Variants in LIMCH1 observed in about 807,000 individuals in gnomAD.
LIMCH1 encodes LIM and calponin homology domains 1.
A neutral mutation model predicts 176.5 loss-of-function variants in LIMCH1; 113 were observed. That is an observed-to-expected ratio of 0.64 (90% confidence interval 0.55 to 0.75). LIMCH1 has a LOEUF of 0.75. Ranked by LOEUF, LIMCH1 falls within the 30% of genes least tolerant of loss-of-function variation. LIMCH1 has a pLI of 0.00. For synonymous variants in LIMCH1, 619 were observed against 645.9 expected (o/e 0.96, Z 0.63); for missense variants, 1,674 against 1,814.9 (o/e 0.92, Z 1.41).
intron 23 of LIMCH1, 148 bp downstream of exon 23, chr4:41,676,610 T>A: frequency 1.5e-6 from 1 of 648,058 alleles, no homozygotes; most frequent in Admixed American, 2.5e-5. Context: ...TTTGTGTCCT[T>A]GTAACAGGGT....
chr4:41,581,143 T>TATCTATCTATCA (rs1554109825), intron 1 of LIMCH1, among the ~76,000 whole-genome samples: 1 of 133,446 alleles, frequency 7.5e-6, no homozygotes, highest in Non-Finnish European at 1.5e-5. Context: ...TCTATCTATC[T>TATCTATCTATCA]ATCATCTAAT....
chr4:41,493,398 C>T (rs543932655), intron 1 of LIMCH1, among the ~76,000 whole-genome samples: 68 of 151,116 alleles, frequency 4.5e-4, no homozygotes, highest in African/African-American at 1.5e-3. Context: ...GTCAGGCTTC[C>T]GTATCCATGA....
At chr4:41,671,403 CA>C in intron 21 of LIMCH1, 150 bp from the exon 22 acceptor site, 1 of 389,148 alleles carries the variant, frequency 2.6e-6, no homozygotes. Context: ...ACCAAACACA[CA>C]CACACACACA....
chr4:41,488,348 G>GA, intron 1 of LIMCH1, among the ~76,000 whole-genome samples: 1 of 152,134 alleles, frequency 6.6e-6, no homozygotes, highest in Non-Finnish European at 1.5e-5. Flanking sequence ...CAGATTCTGG[G>GA]AAAAAAATGC....
rs115518650 is a variant in LIMCH1 at position 41,511,279 on chromosome 4, A to G, written c.168-13130A>G. Among the ~76,000 whole-genome samples, 902 of 152,292 alleles carry G rather than the reference A, an allele frequency of 5.9e-3. 2 individuals are homozygous for G. The highest frequency in any genetic ancestry group is 0.013 in the East Asian group (66 of 5,186). On this transcript the variant is annotated intron_variant, in intron 2 of 26. Coordinates refer to the LIMCH1 transcript ENST00000313860. ...ATCTTTCTTGCATTTGCTTCTAGCTACCTGCAGTGCTGTATTCCCTGTCCA... is the reference window on the plus strand; with the variant it reads ...ATCTTTCTTGCATTTGCTTCTAGCTGCCTGCAGTGCTGTATTCCCTGTCCA...
At chr4:41,658,023 C>T (rs1455661764) in intron 18 of LIMCH1, among the ~76,000 whole-genome samples, 1 of 152,200 alleles carries the variant, frequency 6.6e-6, no homozygotes, top group African/African-American at 2.4e-5. Context: ...CCTCTCAATA[C>T]TGGAGGACAG....
chr4:41,654,485 T>C (rs1483206727), intron 18 of LIMCH1, among the ~76,000 whole-genome samples: 1 of 152,168 alleles, frequency 6.6e-6, no homozygotes, highest in Non-Finnish European at 1.5e-5. Context: ...CTTAACGATG[T>C]TTTCAATTTA....
chr4:41,543,898 TA>T lies in LIMCH1; in HGVS notation c.-241+5552del, dbSNP rs5857798. On this transcript the variant is annotated intron_variant, in intron 1 of 31. Coordinates refer to ENST00000503057, the MANE Select transcript of LIMCH1 (RefSeq NM_001330672.2). ...GCTCCACAGACCCTAGTTGTTTCTTTAAAATGGGCGATGGATTTTTAGGGGC... is the reference window on the plus strand; with the variant it reads ...GCTCCACAGACCCTAGTTGTTTCTTTAAATGGGCGATGGATTTTTAGGGGC... Among the ~76,000 whole-genome samples the T allele has an allele frequency of 7.9e-3, 1,205 of 152,308 alleles. 19 individuals carry two copies. The highest frequency in any genetic ancestry group is 0.027 in the African/African-American group (1,107 of 41,554).
rs1327285957 is a variant in LIMCH1 at position 41,687,884 on chromosome 4, G to T, written c.4133G>T (p.Cys1378Phe). ...EHFQAGPFSP[C>F]SPTPPGQSPN... ...TTCCAGGCTGGGCCTTTCTCTCCCT[G>T]TTCTCCCACCCCTCCCGGTCAGTCA... The change falls in exon 29 of 32, where the codon TGT becomes TTT. Residue 1378 changes from cysteine to phenylalanine, a missense_variant. Physicochemically the swap from Cys to Phe is radical, Grantham distance 205. Around this residue, in one of 3 missense-constraint regions of LIMCH1, gnomAD observed 1,015 missense variants for 1,102.5 expected, o/e 0.92. Transcript: ENST00000503057. The T allele has an allele frequency of 1.9e-6, 3 of 1,613,340 alleles. No homozygotes were observed. The highest frequency in any genetic ancestry group is 2.5e-6 in the Non-Finnish European group (3 of 1,179,666).
intron 1 of LIMCH1, among the ~76,000 whole-genome samples, chr4:41,378,330 G>T (rs2055090536): frequency 6.6e-6 from 1 of 152,202 alleles, no homozygotes; most frequent in South Asian, 2.1e-4. Flanking sequence ...CTAATGCTAT[G>T]ACTGTGGGGG....
chr4:41,453,996 A>C (rs139657247), intron 1 of LIMCH1, among the ~76,000 whole-genome samples: 5 of 152,188 alleles, frequency 3.3e-5, no homozygotes, highest in East Asian at 3.9e-4. Flanking sequence ...GTCAACACCA[A>C]GTCATCCTTC....
chr4:41,584,011 A>G (rs10001276), intron 1 of LIMCH1, among the ~76,000 whole-genome samples: 52,698 of 151,806 alleles, frequency 0.35, 14,601 homozygotes, highest in African/African-American at 0.77. Flanking sequence ...TATGATAGGG[A>G]TAATGGTTTT....
At chr4:41,589,258 T>G (rs2087041988) in intron 1 of LIMCH1, among the ~76,000 whole-genome samples, 1 of 152,132 alleles carries the variant, frequency 6.6e-6, no homozygotes, top group Admixed American at 6.5e-5. Context: ...CAGTTATTGT[T>G]GTTCTAGGTG....
intron 1 of LIMCH1, among the ~76,000 whole-genome samples, chr4:41,380,860 T>G (rs956846574): frequency 6.6e-6 from 1 of 152,212 alleles, no homozygotes; most frequent in Admixed American, 6.5e-5. Context: ...TGGAATAAAA[T>G]AATCAGTATT....
chr4:41,480,005 C>A (rs1205039007), intron 1 of LIMCH1, among the ~76,000 whole-genome samples: 4 of 151,930 alleles, frequency 2.6e-5, no homozygotes, highest in Non-Finnish European at 5.9e-5. Flanking sequence ...TTTAGACACT[C>A]CAGTTATGGA....
chr4:41,417,634 C>A (rs1436305754), intron 1 of LIMCH1, among the ~76,000 whole-genome samples: 1 of 152,124 alleles, frequency 6.6e-6, no homozygotes, highest in Non-Finnish European at 1.5e-5. Context: ...GATCCTCCCA[C>A]CTCAGCCTCC....
At chr4:41,619,047 C>T in intron 5 of LIMCH1, 141 bp from the exon 6 acceptor site, 2 of 1,018,342 alleles carry the variant, frequency 2.0e-6, no homozygotes, top group Non-Finnish European at 1.5e-6. Flanking sequence ...AACAAATCTA[C>T]ACTTTAGATT....
chr4:41,620,760 A>G (rs1270984208), intron 7 of LIMCH1, 70 bp downstream of exon 7: 2 of 1,442,420 alleles, frequency 1.4e-6, no homozygotes, highest in African/African-American at 1.4e-5. Context: ...CTGTCTAGAG[A>G]GTTGGAGTTT....
intron 1 of LIMCH1, among the ~76,000 whole-genome samples, chr4:41,466,713 CT>C (rs1014556306): frequency 6.6e-6 from 1 of 152,180 alleles, no homozygotes; most frequent in Non-Finnish European, 1.5e-5. Flanking sequence ...AATATACCTT[CT>C]TTTACTATTA....
Sources: allele counts gnomAD v4.1 joint callset (sites outside exome capture counted in the v4.1 genomes callset), GRCh38; gene constraint gnomAD v4.1.1; regional missense constraint gnomAD v4.1.1; transcripts MANE v1.5; gene names NCBI Gene and HGNC (gene_info 2026-07-23, HGNC 2026-07-21).